Variants in DRC8 observed in about 807,000 individuals in gnomAD.
DRC8 encodes the protein dynein regulatory complex subunit 8.
At chr1:245,090,119 G>A in the DRC8 span, among the ~76,000 whole-genome samples, 7 of 152,208 alleles carry the variant, frequency 4.6e-5, no homozygotes, top group African/African-American at 1.2e-4. Flanking sequence ...TGTCATGTGC[G>A]TGAGGTGGAA....
the DRC8 span, among the ~76,000 whole-genome samples, chr1:245,035,151 A>G: frequency 6.6e-6 from 1 of 151,438 alleles, no homozygotes; most frequent in Non-Finnish European, 1.5e-5. Flanking sequence ...ATTGATTAAC[A>G]GATTCATTGC....
At chr1:245,009,101 C>T in the DRC8 span, among the ~76,000 whole-genome samples, 206 of 137,490 alleles carry the variant, frequency 1.5e-3, 1 homozygote, top group African/African-American at 5.3e-3. Flanking sequence ...AGTGGCACCA[C>T]CTCAGCTCAC....
At chr1:245,101,216 G>T in the DRC8 span, among the ~76,000 whole-genome samples, 4 of 152,174 alleles carry the variant, frequency 2.6e-5, no homozygotes, top group African/African-American at 9.6e-5. Flanking sequence ...TTCTTTTAAT[G>T]TGTAGTTTTT....
At chr1:245,111,236 C>T in the DRC8 span, among the ~76,000 whole-genome samples, 2 of 152,198 alleles carry the variant, frequency 1.3e-5, no homozygotes, top group Non-Finnish European at 2.9e-5. Context: ...TCACCCAGGT[C>T]TGCACTCGTG....
chr1:245,078,721 A>G, the DRC8 span, among the ~76,000 whole-genome samples: 11 of 152,214 alleles, frequency 7.2e-5, no homozygotes, highest in African/African-American at 1.9e-4. Flanking sequence ...TTTTAGTGAT[A>G]AGAAAAACAA....
At chr1:245,025,845 C>T in the DRC8 span, among the ~76,000 whole-genome samples, 2 of 152,148 alleles carry the variant, frequency 1.3e-5, no homozygotes, top group Admixed American at 1.3e-4. Flanking sequence ...AGGGCAGCTC[C>T]CCTGCAGACG....
the DRC8 span, among the ~76,000 whole-genome samples, chr1:245,012,712 A>G: frequency 6.6e-6 from 1 of 152,174 alleles, no homozygotes; most frequent in Admixed American, 6.5e-5. Flanking sequence ...AGGGATATAT[A>G]TATCTAAATA....
the DRC8 span, among the ~76,000 whole-genome samples, chr1:245,024,205 A>G: frequency 6.6e-6 from 1 of 152,112 alleles, no homozygotes; most frequent in East Asian, 1.9e-4. Flanking sequence ...CATTGTATGG[A>G]TGAATCATAA....
the DRC8 span, among the ~76,000 whole-genome samples, chr1:245,053,020 T>C: frequency 6.6e-6 from 1 of 152,234 alleles, no homozygotes; most frequent in South Asian, 2.1e-4. Context: ...ATTACTTTTC[T>C]AAGTCTGATT....
the DRC8 span, among the ~76,000 whole-genome samples, chr1:245,112,044 A>G: frequency 5.0e-4 from 76 of 152,118 alleles, no homozygotes; most frequent in Non-Finnish European, 9.6e-4. Context: ...AGGAAAAAAG[A>G]TAATCTGGAA....
chr1:245,075,831 A>G, the DRC8 span, among the ~76,000 whole-genome samples: 5 of 152,134 alleles, frequency 3.3e-5, no homozygotes, highest in African/African-American at 1.2e-4. Context: ...AACAAGATGT[A>G]TTTGTTTTGT....
At chr1:245,060,368 T>C in the DRC8 span, among the ~76,000 whole-genome samples, 1 of 152,198 alleles carries the variant, frequency 6.6e-6, no homozygotes, top group Non-Finnish European at 1.5e-5. Flanking sequence ...TAAAGCATTA[T>C]GTAAAGTTAA....
At chr1:245,124,374 G>A in the DRC8 span, 4 of 152,190 alleles carry the variant, frequency 2.6e-5, no homozygotes, top group Non-Finnish European at 5.9e-5. Flanking sequence ...CACAGACTCC[G>A]TCACTTGGCC....
chr1:245,069,363 G>T, the DRC8 span, among the ~76,000 whole-genome samples: 1 of 152,130 alleles, frequency 6.6e-6, no homozygotes, highest in South Asian at 2.1e-4. Context: ...AGTGGAAGTG[G>T]GTCATCATAA....
chr1:245,057,528 T>G, the DRC8 span, among the ~76,000 whole-genome samples: 1 of 152,234 alleles, frequency 6.6e-6, no homozygotes, highest in Non-Finnish European at 1.5e-5. Flanking sequence ...ACATTTCCAT[T>G]TGCAGTAGTC....
chr1:245,082,543 C>T, the DRC8 span, among the ~76,000 whole-genome samples: 1 of 152,058 alleles, frequency 6.6e-6, no homozygotes, highest in Non-Finnish European at 1.5e-5. Flanking sequence ...AATTGATGTC[C>T]AAAAAGCTAA....
chr1:245,096,100 T>C, the DRC8 span, among the ~76,000 whole-genome samples: 1 of 152,204 alleles, frequency 6.6e-6, no homozygotes, highest in Non-Finnish European at 1.5e-5. Context: ...TCACAGATTG[T>C]TTTTTCAGAT....
At chr1:245,098,937 G>C in the DRC8 span, among the ~76,000 whole-genome samples, 678 of 152,290 alleles carry the variant, frequency 4.5e-3, 3 homozygotes, top group African/African-American at 0.015. Flanking sequence ...GAGGCACTGG[G>C]GTTCTTAATT....
At chr1:245,066,850 T>G in the DRC8 span, among the ~76,000 whole-genome samples, 5 of 151,804 alleles carry the variant, frequency 3.3e-5, no homozygotes, top group Non-Finnish European at 7.4e-5. Context: ...GAGCTTGCAG[T>G]GAGCCGAGAT....
Sources: gnomAD v4.1 joint callset for allele counts (sites outside exome capture counted in the v4.1 genomes callset) on GRCh38, gnomAD v4.1.1 for gene constraint, MANE v1.5 for transcripts, NCBI Gene and HGNC (gene_info 2026-07-23, HGNC 2026-07-21) for gene names.